MAGI1: variants seen among roughly 807,000 people sequenced by gnomAD.
MAGI1 encodes membrane-associated guanylate kinase, WW and PDZ domain-containing protein 1.
MAGI1 carries 58 observed loss-of-function variants against 139.9 expected under a neutral mutation model. The observed-to-expected ratio is 0.41, with a 90% CI of 0.34 to 0.52. The LOEUF is 0.52. MAGI1 is among the 20% of genes least tolerant of loss of function. The pLI, the probability that MAGI1 is intolerant of heterozygous loss-of-function variation, is 0.12. For missense variants in MAGI1, 1,874 were observed against 1,901.6 expected (o/e 0.99, Z 0.27); for synonymous variants, 812 against 737.9 (o/e 1.10, Z -1.63).
chr3:65,717,411 T>G (rs549177759), intron 1 of MAGI1: 2 of 152,152 alleles, frequency 1.3e-5, no homozygotes, highest in East Asian at 3.9e-4. Flanking sequence ...GAGATGGAGA[T>G]GAAGCAATCT....
intron 10 of MAGI1, among the ~76,000 whole-genome samples, chr3:65,434,991 T>C (rs1161135968): frequency 2.0e-5 from 3 of 152,180 alleles, no homozygotes; most frequent in Non-Finnish European, 4.4e-5. Context: ...AGAGAACTAG[T>C]ACTTTCTCTC....
At chr3:65,864,140 G>A (rs187472590) in intron 1 of MAGI1, among the ~76,000 whole-genome samples, 27 of 152,268 alleles carry the variant, frequency 1.8e-4, no homozygotes, top group African/African-American at 6.3e-4. Flanking sequence ...ATAATAGCAT[G>A]TATAGCATGA....
intron 7 of MAGI1, among the ~76,000 whole-genome samples, chr3:65,444,129 C>G (rs1361899832): frequency 3.9e-5 from 6 of 152,118 alleles, no homozygotes; most frequent in African/African-American, 1.2e-4. Context: ...CCCTTTTCTT[C>G]TAAATCAAAA....
At chr3:65,786,936 C>T (rs929520120) in intron 1 of MAGI1, among the ~76,000 whole-genome samples, 6 of 152,070 alleles carry the variant, frequency 3.9e-5, no homozygotes, top group Non-Finnish European at 7.4e-5. Context: ...TTAATGCTGA[C>T]CAACACATCT....
chr3:65,843,776 C>T, intron 1 of MAGI1: 1 of 170,312 alleles, frequency 5.9e-6, no homozygotes, highest in East Asian at 1.8e-4. Flanking sequence ...TAAAAGAAAG[C>T]AAGGTTTAAA....
chr3:65,612,436 T>G (rs2083172345), intron 2 of MAGI1, among the ~76,000 whole-genome samples: 1 of 152,106 alleles, frequency 6.6e-6, no homozygotes, highest in Admixed American at 6.6e-5. Context: ...CCATGGCCAT[T>G]TACCCCTAAA....
chr3:65,626,079 T>C (rs1482166089), intron 1 of MAGI1, among the ~76,000 whole-genome samples: 1 of 152,166 alleles, frequency 6.6e-6, no homozygotes, highest in Admixed American at 6.5e-5. Context: ...GCCTGCAATG[T>C]AGGGTTTTAA....
At chr3:65,968,209 T>G (rs930540445) in intron 1 of MAGI1, among the ~76,000 whole-genome samples, 2 of 152,186 alleles carry the variant, frequency 1.3e-5, no homozygotes, top group African/African-American at 4.8e-5. Flanking sequence ...TTTGGCAATA[T>G]CGAACAAAAA....
At chr3:65,384,946 A>C (rs1943334114) in intron 14 of MAGI1, among the ~76,000 whole-genome samples, 1 of 152,144 alleles carries the variant, frequency 6.6e-6, no homozygotes, top group Non-Finnish European at 1.5e-5. Flanking sequence ...TTAGGATTTC[A>C]ATACTATTAC....
chr3:65,980,214 T>A (rs2065495025), intron 1 of MAGI1, among the ~76,000 whole-genome samples: 1 of 152,200 alleles, frequency 6.6e-6, no homozygotes, highest in Non-Finnish European at 1.5e-5. Flanking sequence ...ACTTAGCCTC[T>A]CTAAGCCATA....
At chr3:65,727,445 G>C (rs905216459) in intron 1 of MAGI1, among the ~76,000 whole-genome samples, 3 of 152,022 alleles carry the variant, frequency 2.0e-5, no homozygotes, top group Non-Finnish European at 4.4e-5. Flanking sequence ...GCTCAGGCTG[G>C]CCTTGAACTT....
At chr3:65,482,879 T>C (rs1182189263) in intron 3 of MAGI1, among the ~76,000 whole-genome samples, 1 of 152,236 alleles carries the variant, frequency 6.6e-6, no homozygotes, top group Non-Finnish European at 1.5e-5. Flanking sequence ...TTATAGAGGA[T>C]GTTGAAAAGC....
chr3:65,528,712 T>C (rs1056102456), intron 2 of MAGI1, among the ~76,000 whole-genome samples: 1 of 152,078 alleles, frequency 6.6e-6, no homozygotes, highest in African/African-American at 2.4e-5. Flanking sequence ...CTTCTCAAGG[T>C]AAAAACTGGC....
At chr3:65,703,180 C>T (rs1398537305) in intron 1 of MAGI1, among the ~76,000 whole-genome samples, 2 of 152,142 alleles carry the variant, frequency 1.3e-5, no homozygotes, top group South Asian at 2.1e-4. Flanking sequence ...TGCTGCTATA[C>T]GTGCTTCCTG....
chr3:65,734,041 T>C (rs62243983), intron 1 of MAGI1, among the ~76,000 whole-genome samples: 1 of 152,214 alleles, frequency 6.6e-6, no homozygotes, highest in Admixed American at 6.5e-5. Flanking sequence ...CTTTCTGAGG[T>C]CCATTTATCT....
intron 1 of MAGI1, among the ~76,000 whole-genome samples, chr3:65,674,506 A>G (rs1397478552): frequency 1.3e-5 from 2 of 152,008 alleles, no homozygotes; most frequent in Non-Finnish European, 2.9e-5. Flanking sequence ...CACAAGAACA[A>G]CCCCTTCTTT....
At chr3:65,739,436 G>A (rs550478168) in intron 1 of MAGI1, among the ~76,000 whole-genome samples, 11 of 152,236 alleles carry the variant, frequency 7.2e-5, no homozygotes, top group Non-Finnish European at 1.3e-4. Flanking sequence ...CTTGCCATTC[G>A]TGTGCTTACT....
chr3:65,505,171 C>G (rs2107717389), intron 2 of MAGI1, among the ~76,000 whole-genome samples: 1 of 152,230 alleles, frequency 6.6e-6, no homozygotes, highest in African/African-American at 2.4e-5. Flanking sequence ...ATAATACTTT[C>G]ACTTTCTCTG....
chr3:65,966,148 T>C (rs1198552932), intron 1 of MAGI1, among the ~76,000 whole-genome samples: 1 of 152,142 alleles, frequency 6.6e-6, no homozygotes, highest in Non-Finnish European at 1.5e-5. Context: ...GACAACAAAC[T>C]AAGAGTAATT....
Sources: allele counts gnomAD v4.1 joint callset (sites outside exome capture counted in the v4.1 genomes callset), GRCh38; gene constraint gnomAD v4.1.1; transcripts MANE v1.5; gene names NCBI Gene and HGNC (gene_info 2026-07-23, HGNC 2026-07-21).